UNC13C: variants seen among roughly 807,000 people sequenced by gnomAD.
UNC13C encodes the protein protein unc-13 homolog C.
In UNC13C, 174 loss-of-function variants were observed where a neutral mutation model predicts 245.4. The ratio of observed to expected loss-of-function variants is 0.71; its 90% CI spans 0.63 to 0.80. The LOEUF is 0.80. Among genes scored for constraint, UNC13C ranks in the 30% least tolerant of loss-of-function variants. The probability of loss-of-function intolerance (pLI) is 0.00; values close to 1 mark genes in which losing one functional copy is unlikely to be tolerated. For synonymous variants in UNC13C, 992 were observed against 895.1 expected (o/e 1.11, Z -1.93); for missense variants, 2,829 against 2,602.9 (o/e 1.09, Z -1.89).
At chr15:54,450,344 G>C (rs778852754) in intron 19 of UNC13C, among the ~76,000 whole-genome samples, 18 of 152,242 alleles carry the variant, frequency 1.2e-4, no homozygotes, top group Non-Finnish European at 2.6e-4. Context: ...GTTGCCTTTT[G>C]TTCAGCTATG....
intron 2 of UNC13C, among the ~76,000 whole-genome samples, chr15:54,084,491 C>T (rs1899129109): frequency 6.6e-6 from 1 of 151,980 alleles, no homozygotes; most frequent in African/African-American, 2.4e-5. Context: ...AATTATTTTC[C>T]ACGTAATTTT....
intron 16 of UNC13C, among the ~76,000 whole-genome samples, chr15:54,334,110 C>T (rs2038512915): frequency 6.6e-6 from 1 of 152,060 alleles, no homozygotes; most frequent in Admixed American, 6.6e-5. Context: ...AGAGAAAGCT[C>T]TCTAGTAAGT....
At chr15:54,142,763 CT>C (rs2032082712) in intron 2 of UNC13C, among the ~76,000 whole-genome samples, 1 of 152,152 alleles carries the variant, frequency 6.6e-6, no homozygotes, top group South Asian at 2.1e-4. Context: ...ATGTTCTTTT[CT>C]TAATATAACA....
chr15:54,272,102 C>T (rs79876947), intron 10 of UNC13C, among the ~76,000 whole-genome samples: 80 of 152,300 alleles, frequency 5.3e-4, no homozygotes, highest in Non-Finnish European at 8.5e-4. Context: ...ATCTCAGTTT[C>T]GCCATGGGAA....
intron 2 of UNC13C, among the ~76,000 whole-genome samples, chr15:54,046,230 T>A (rs10518752): frequency 0.09 from 13,640 of 152,224 alleles, 1,248 homozygotes; most frequent in African/African-American, 0.23. Flanking sequence ...ACTGTAGATG[T>A]ATTTTTCTAT....
At chr15:54,165,912 AT>A (rs766348802) in intron 4 of UNC13C, among the ~76,000 whole-genome samples, 103 of 151,604 alleles carry the variant, frequency 6.8e-4, no homozygotes, top group Non-Finnish European at 1.2e-3. Flanking sequence ...CATTTTTAAA[AT>A]TTGTATTATT....
intron 2 of UNC13C, among the ~76,000 whole-genome samples, chr15:54,078,811 C>T (rs1245879935): frequency 6.6e-6 from 1 of 151,886 alleles, no homozygotes; most frequent in African/African-American, 2.4e-5. Context: ...TGTGCAGGAG[C>T]TCTTTAAGTT....
chr15:54,613,492 A>T (rs898579963), intron 30 of UNC13C, among the ~76,000 whole-genome samples: 5 of 152,068 alleles, frequency 3.3e-5, no homozygotes, highest in African/African-American at 1.2e-4. Context: ...TACCTAGTGA[A>T]ATAAAACTGT....
intron 4 of UNC13C, among the ~76,000 whole-genome samples, chr15:54,176,349 A>G (rs149767404): frequency 8.1e-4 from 123 of 152,274 alleles, no homozygotes; most frequent in African/African-American, 2.7e-3. Flanking sequence ...ATTATGTTCT[A>G]TTAAAGAAAC....
At chr15:54,050,870 A>C (rs1487047719) in intron 2 of UNC13C, 1 of 560,652 alleles carries the variant, frequency 1.8e-6, no homozygotes, top group Non-Finnish European at 3.6e-6. Context: ...AGATATCTTC[A>C]GTCTCATGAC....
chr15:54,380,446 A>G (rs749507159), intron 17 of UNC13C, among the ~76,000 whole-genome samples: 5 of 152,118 alleles, frequency 3.3e-5, no homozygotes, highest in African/African-American at 4.8e-5. Flanking sequence ...GAGTGTCACT[A>G]TCTCTTTGAC....
intron 26 of UNC13C, among the ~76,000 whole-genome samples, chr15:54,533,521 C>G (rs999467323): frequency 7.2e-5 from 11 of 152,130 alleles, no homozygotes; most frequent in Admixed American, 7.2e-4. Context: ...GCTGCCTGAC[C>G]CAACCTTCAA....
chr15:54,132,827 T>A (rs2031511324), intron 2 of UNC13C, among the ~76,000 whole-genome samples: 1 of 152,184 alleles, frequency 6.6e-6, no homozygotes, highest in Non-Finnish European at 1.5e-5. Flanking sequence ...TTATACTGTG[T>A]TATCACTGAA....
chr15:54,373,473 A>T lies in UNC13C; in HGVS notation c.4714-19575A>T, dbSNP rs116854270. The stretch of plus-strand genomic sequence containing the variant: ...AGCATGGAGTCCGGCTGCTCTGCAC[A>T]GCCAGGCACACTGGCTGTGGTGGGG... On this transcript the variant is annotated intron_variant, in intron 17 of 32. Transcript: ENST00000260323. Among the ~76,000 whole-genome samples, 296 of 152,274 alleles carry T rather than the reference A, an allele frequency of 1.9e-3. 1 individual carries two copies. The highest frequency in any genetic ancestry group is 0.013 in the Admixed American group (205 of 15,302).
intron 2 of UNC13C, among the ~76,000 whole-genome samples, chr15:54,022,470 A>G (rs1402907385): frequency 6.6e-6 from 1 of 152,066 alleles, no homozygotes; most frequent in Non-Finnish European, 1.5e-5. Flanking sequence ...ACCCCAGCCC[A>G]GCCTCTTTGT....
chr15:54,455,185 C>G (rs1170352571), intron 19 of UNC13C, among the ~76,000 whole-genome samples: 3 of 42,160 alleles, frequency 7.1e-5, no homozygotes, highest in African/African-American at 2.4e-4. Flanking sequence ...CTCTCTCTCT[C>G]TCTCTCTCTC....
chr15:54,527,415 A>G lies in UNC13C; in HGVS notation c.5546+1778A>G, dbSNP rs371289968. On this transcript the variant is annotated intron_variant, in intron 25 of 32. Transcript: ENST00000260323. ...GAAAAAAAAGAGGTCAGGAATAGCT[A>G]GAGTTGTTCAGAACTTTATGGAAAA... Among the ~76,000 whole-genome samples the G allele has an allele frequency of 3.5e-4, 53 of 152,350 alleles. No individual in the cohort carries two copies. In the East Asian group the frequency reaches 6.2e-3, roughly 18 times the overall value.
chr15:54,581,733 G>T (rs1436772782), intron 30 of UNC13C, among the ~76,000 whole-genome samples: 1 of 152,202 alleles, frequency 6.6e-6, no homozygotes, highest in Non-Finnish European at 1.5e-5. Flanking sequence ...TTTCAGAAGT[G>T]CTAAATTTTG....
chr15:54,146,659 A>G (rs776538043), intron 4 of UNC13C, among the ~76,000 whole-genome samples: 106 of 152,238 alleles, frequency 7.0e-4, no homozygotes, highest in Admixed American at 1.5e-3. Context: ...GGTGAAATCA[A>G]TGAATTTAAC....
Sources: allele counts gnomAD v4.1 joint callset (sites outside exome capture counted in the v4.1 genomes callset), GRCh38; gene constraint gnomAD v4.1.1; transcripts MANE v1.5; gene names NCBI Gene and HGNC (gene_info 2026-07-23, HGNC 2026-07-21).